AKR1C1: variants seen among roughly 807,000 people sequenced by gnomAD.
The protein encoded by AKR1C1 is aldo-keto reductase family 1 member C1.
Under a neutral mutation model 40.6 loss-of-function variants are expected in AKR1C1, and 32 were observed. The ratio of observed to expected loss-of-function variants is 0.79; its 90% CI spans 0.60 to 1.06. The LOEUF (loss-of-function observed/expected upper bound fraction) is 1.06, where lower values mean the gene tolerates loss of function less well. Ranked by LOEUF, AKR1C1 falls within the 50% of genes least tolerant of loss-of-function variation. AKR1C1 has a pLI of 0.00. For missense variants in AKR1C1, 320 were observed against 363.5 expected, an observed-to-expected ratio of 0.88 and a Z score of 0.97; for synonymous variants, 105 against 134.2, an observed-to-expected ratio of 0.78 and a Z score of 1.50.
At chr10:4,969,070 T>C (rs1836381951) in intron 5 of AKR1C1, 126 bp downstream of exon 5, 1 of 1,551,188 alleles carries the variant, frequency 6.4e-7, no homozygotes, top group Non-Finnish European at 8.7e-7. Context: ...GCAAAGACTC[T>C]GTCTCGAAGG....
chr10:4,982,603 C>T lies in AKR1C1; in HGVS notation c.*4861C>T, dbSNP rs10904381. The T allele has an allele frequency of 0.21, 45,449 of 219,270 alleles. 5,248 individuals carry two copies. The highest frequency in any genetic ancestry group is 0.25 in the Non-Finnish European group (27,219 of 109,704). The allele number at this position is 219,270 out of a possible 1,614,324, so 13.6% of individuals were successfully genotyped here. On this transcript the variant is annotated 3_prime_UTR_variant, in exon 9 of 9. Coordinates refer to ENST00000380872, the MANE Select transcript of AKR1C1 (RefSeq NM_001353.6). ...CTAACCCTGGACCCACTGGTGGTAC[C>T]CATCCACCCATCCTGGTAGCTTAAC... is the stretch of plus-strand genomic sequence containing the variant.
chr10:4,974,128 TA>T (rs1836486369), intron 7 of AKR1C1, among the ~76,000 whole-genome samples: 1 of 151,666 alleles, frequency 6.6e-6, no homozygotes, highest in Non-Finnish European at 1.5e-5. Flanking sequence ...TATATTATTT[TA>T]AAAATATTTT....
rs925310729 is a variant in AKR1C1, at chr10:4,970,023, C to T, written c.570+1079C>T. 4 of 372,442 alleles carry T rather than the reference C, an allele frequency of 1.1e-5. No individual in the cohort carries two copies. In the Admixed American group the frequency reaches 1.2e-4, roughly 12 times the overall value. The allele number at this position is 372,442 out of a possible 1,614,324, so 23.1% of individuals were successfully genotyped here. A position where few individuals can be genotyped will look rare whatever the true frequency, so the allele number is the denominator to read the frequency against. On this transcript the variant is annotated intron_variant, in intron 5 of 8. Coordinates refer to ENST00000380872, the MANE Select transcript of AKR1C1 (RefSeq NM_001353.6). ...TTCCAAAAATTTGATAAAAATAATA[C>T]TGGAGACCCATGTTACCATTTATAT...
rs143252677 is a variant in AKR1C1 at position 4,972,510 on chromosome 10, A to G, written c.681-74A>G. 2.8e-3 allele frequency: 4,556 copies of G among 1,610,104 alleles called. 85 individuals are homozygous for G. In the African/African-American group the frequency reaches 0.054, roughly 19 times the overall value. On this transcript the variant is annotated intron_variant, in intron 6 of 8. Coordinates refer to ENST00000380872, the MANE Select transcript of AKR1C1 (RefSeq NM_001353.6). ...AGCTCCGGTGCAGAGTGGACGCCTT[A>G]GTCTGTTTAGGGAGCCGCCTAACAA...
chr10:4,971,965 A>G (rs1215782438), intron 5 of AKR1C1, among the ~76,000 whole-genome samples: 1 of 149,174 alleles, frequency 6.7e-6, no homozygotes, highest in Non-Finnish European at 1.5e-5. Context: ...TAGTGGTCGG[A>G]GTTATTGAGA....
chr10:4,972,991 T>C (rs1389598348), intron 7 of AKR1C1, among the ~76,000 whole-genome samples: 1 of 152,306 alleles, frequency 6.6e-6, no homozygotes, highest in Admixed American at 6.5e-5. Context: ...GTGATATCCA[T>C]ATCCCTCTGC....
rs1490664971 is a variant in AKR1C1 at position 4,980,479 on chromosome 10, TCAAA to T, written c.*2740_*2743del. 6.9e-6 allele frequency: 1 copy of T among 145,322 alleles called. No individual in the cohort carries two copies. The highest frequency in any genetic ancestry group is 7.0e-5 in the Admixed American group (1 of 14,228). The allele number at this position is 145,322 out of a possible 1,614,324, so 9.0% of individuals were successfully genotyped here. A position where few individuals can be genotyped will look rare whatever the true frequency, so the allele number is the denominator to read the frequency against. Reference sequence around the variant, plus strand: ...CATGATAGCATTAGAGAGAATTCTCTCAAACACTGTCATGGCCTTATCAACTATG... The same window carrying T: ...CATGATAGCATTAGAGAGAATTCTCTCACTGTCATGGCCTTATCAACTATG... On this transcript the variant is annotated 3_prime_UTR_variant, in exon 9 of 9. Transcript: ENST00000380872.
Position 4,975,122 on chromosome 10 carries a change from A to G in AKR1C1, c.847-729A>G, listed in dbSNP as rs3927914. Among the ~76,000 whole-genome samples, 513 of 152,228 alleles carry G rather than the reference A, an allele frequency of 3.4e-3. 10 individuals are homozygous for G. In the East Asian group the frequency reaches 0.061, roughly 18 times the overall value. On this transcript the variant is annotated intron_variant, in intron 7 of 8. Coordinates refer to ENST00000380872, the MANE Select transcript of AKR1C1 (RefSeq NM_001353.6). Reference sequence around the variant, plus strand: ...ACTGATGATTTTAATAGTTTTTGATAACTTTTCATTTTTGTTTTATGGATT... The same window carrying G: ...ACTGATGATTTTAATAGTTTTTGATGACTTTTCATTTTTGTTTTATGGATT...
chr10:4,964,369 G>C (rs370709934), intron 1 of AKR1C1, among the ~76,000 whole-genome samples: 1 of 152,154 alleles, frequency 6.6e-6, no homozygotes, highest in Non-Finnish European at 1.5e-5. Flanking sequence ...GACAGGAGTG[G>C]TTTACTTTGT....
At position 4,982,479 on chromosome 10, in the gene AKR1C1, C is replaced by G. The variant is rs1275056771; in HGVS notation, c.*4737C>G. On this transcript the variant is annotated 3_prime_UTR_variant, in exon 9 of 9. Coordinates refer to ENST00000380872, the MANE Select transcript of AKR1C1 (RefSeq NM_001353.6). The stretch of plus-strand genomic sequence containing the variant: ...TCTGTGCAGCAGAGGCAATTAAACT[C>G]TCCTCTGGAACATTACCCCAGCAGC... 2.6e-5 allele frequency: 4 copies of G among 155,584 alleles called. No homozygotes were observed. Among genetic ancestry groups the G allele is most frequent in the African/African-American group, 9.7e-5 (4 of 41,378 alleles). 9.6% of individuals were successfully genotyped at this position (155,584 alleles called of 1,614,324 possible).
At chr10:4,964,546 C>T (rs1564314299) in intron 1 of AKR1C1, among the ~76,000 whole-genome samples, 1 of 152,164 alleles carries the variant, frequency 6.6e-6, no homozygotes. Flanking sequence ...AAAAAGAAAG[C>T]CTCTGAAATA....
At position 4,969,787 on chromosome 10, in the gene AKR1C1, T is replaced by C. The variant is rs1453346047; in HGVS notation, c.570+843T>C. The C allele has an allele frequency of 5.7e-6, 9 of 1,571,520 alleles. No individual in the cohort carries two copies. The South Asian group carries it at 5.8e-5, about 10-fold the overall frequency. ...CATTTCAGCATTAAAGTTACTACAC[T>C]TTTCCCAGTAAATTACATTTTTTTG... On this transcript the variant is annotated intron_variant, in intron 5 of 8. Transcript: ENST00000380872.
chr10:4,980,052 T>C lies in AKR1C1; in HGVS notation c.*2310T>C, dbSNP rs1443473078. On this transcript the variant is annotated 3_prime_UTR_variant, in exon 9 of 9. Coordinates refer to ENST00000380872, the MANE Select transcript of AKR1C1 (RefSeq NM_001353.6). Reference sequence around the variant, plus strand: ...TAATTCTAAGCTAATACGTATGCAATGTAGGAAGCTGTAATTACTGACCAA... The same window carrying C: ...TAATTCTAAGCTAATACGTATGCAACGTAGGAAGCTGTAATTACTGACCAA... The C allele has an allele frequency of 6.7e-6, 1 of 150,272 alleles. No individual in the cohort carries two copies. The highest frequency in any genetic ancestry group is 2.4e-5 in the African/African-American group (1 of 41,280). 9.3% of individuals were successfully genotyped at this position (150,272 alleles called of 1,614,324 possible).
chr10:4,973,788 A>G (rs3890643), intron 7 of AKR1C1, among the ~76,000 whole-genome samples: 50,136 of 151,856 alleles, frequency 0.33, 9,212 homozygotes, highest in African/African-American at 0.49. Flanking sequence ...ATGTATGAAT[A>G]TGAATATATA....
chr10:4,969,797 A>C, intron 5 of AKR1C1: 1 of 1,543,442 alleles, frequency 6.5e-7, no homozygotes, highest in Non-Finnish European at 8.8e-7. Context: ...TTTTCCCAGT[A>C]AATTACATTT....
rs780114525 is a variant in AKR1C1, at chr10:4,968,917, G to A, written c.543G>A (p.Gly181=). Residue 181 remains glycine (G), a synonymous_variant, in exon 5 of 9, where the codon GGG becomes GGA. Transcript: ENST00000380872. ...RQLEMILNKP[G]LKYKPVCNQV... ...TGGAGATGATCCTCAACAAGCCAGG[G>A]CTCAAGTACAAGCCTGTCTGCAACC... 1.2e-6 allele frequency: 2 copies of A among 1,614,148 alleles called. No individual in the cohort carries two copies. The highest frequency in any genetic ancestry group is 2.2e-5 in the East Asian group (1 of 44,872).
At chr10:4,974,030 G>A (rs1554770196) in intron 7 of AKR1C1, among the ~76,000 whole-genome samples, 1 of 150,968 alleles carries the variant, frequency 6.6e-6, no homozygotes, top group African/African-American at 2.4e-5. Flanking sequence ...GAAATCCATA[G>A]GATACTCTGA....
At chr10:4,969,049 G>T in intron 5 of AKR1C1, 105 bp downstream of exon 5, 1 of 1,579,392 alleles carries the variant, frequency 6.3e-7, no homozygotes, top group Non-Finnish European at 8.6e-7. Context: ...TAAAAGAGAA[G>T]ATTCTAGAGA....
chr10:4,971,524 A>ATATATATAT (rs370996794), intron 5 of AKR1C1, among the ~76,000 whole-genome samples: 3 of 58,138 alleles, frequency 5.2e-5, no homozygotes, highest in South Asian at 1.0e-3. Flanking sequence ...TATATATATA[A>ATATATATAT]AATATATATG....
Sources: allele counts gnomAD v4.1 joint callset (sites outside exome capture counted in the v4.1 genomes callset), GRCh38; gene constraint gnomAD v4.1.1; transcripts MANE v1.5; gene names NCBI Gene and HGNC (gene_info 2026-07-23, HGNC 2026-07-21).